Variants in PAQR3 observed in about 807,000 individuals in gnomAD.
The protein encoded by PAQR3 is progestin and adipoQ receptor family member 3.
Under a neutral mutation model 41.7 loss-of-function variants are expected in PAQR3, and 39 were observed. The ratio of observed to expected loss-of-function variants is 0.93; its 90% CI spans 0.72 to 1.22. The LOEUF is 1.22. PAQR3 is among the 50% of genes most tolerant of loss of function. PAQR3 has a pLI of 0.00. For missense variants in PAQR3, 366 were observed against 385.6 expected (o/e 0.95, Z 0.42); for synonymous variants, 140 against 140.6 (o/e 1.00, Z 0.03).
Position 78,917,730 on chromosome 4 carries a change from A to T in PAQR3, c.*2809T>A. The T allele has an allele frequency of 1.2e-6, 1 of 865,318 alleles. No individual in the cohort carries two copies. Among genetic ancestry groups the T allele is most frequent in the Non-Finnish European group, 1.4e-6 (1 of 720,778 alleles). 53.6% of individuals were successfully genotyped at this position (865,318 alleles called of 1,614,324 possible). A position where few individuals can be genotyped will look rare whatever the true frequency, so the allele number is the denominator to read the frequency against. On this transcript the variant is annotated 3_prime_UTR_variant, in exon 6 of 6. Coordinates refer to ENST00000512733, the MANE Select transcript of PAQR3 (RefSeq NM_001040202.2). ...GAATAGGCTTTGCCCCTTGACATTT[A>T]ATACAGGGCAAAGTATTATCTAGTA... is the stretch of plus-strand genomic sequence containing the variant.
chr4:78,930,335 A>G lies in PAQR3; in HGVS notation c.349-10T>C. 1 of 1,588,500 alleles carries G rather than the reference A, an allele frequency of 6.3e-7. No individual in the cohort carries two copies. ...AGCAAAGCATACAGACCTGTGAAAA[A>G]TAAAAACAAATTAACAAAGTGACTA... On this transcript the variant is annotated splice_polypyrimidine_tract_variant and intron_variant, in intron 2 of 5. Transcript: ENST00000512733.
chr4:78,903,761 G>A (rs1468273199), intron 11 of PAQR3, among the ~76,000 whole-genome samples: 1 of 151,840 alleles, frequency 6.6e-6, no homozygotes, highest in Non-Finnish European at 1.5e-5. Context: ...CCTGTTCGTG[G>A]CTTTTATTTT....
In PAQR3 at chr4:78,926,541, T is replaced by C. The variant is rs1325529409; in HGVS notation, c.682A>G (p.Ile228Val). ...TLHWVWLNGG[I>V]GAPIVQDFAP... is the part of the protein sequence containing the mutation. ...CCTACCTGTACAATAGGAGCACCAATTCCTCCATTGAGCCAAACCCAGTGA... is the reference window on the plus strand; with the variant it reads ...CCTACCTGTACAATAGGAGCACCAACTCCTCCATTGAGCCAAACCCAGTGA... Residue 228 changes from isoleucine (I) to valine (V), a missense_variant, in exon 4 of 6, where the codon ATT becomes GTT. Coordinates refer to ENST00000512733, the MANE Select transcript of PAQR3 (RefSeq NM_001040202.2). 4.3e-6 allele frequency: 7 copies of C among 1,612,228 alleles called. No homozygotes were observed. The highest frequency in any genetic ancestry group is 1.3e-5 in the African/African-American group (1 of 74,714).
intron 11 of PAQR3, among the ~76,000 whole-genome samples, chr4:78,893,051 A>G (rs1214609403): frequency 6.6e-6 from 1 of 152,256 alleles, no homozygotes; most frequent in African/African-American, 2.4e-5. Context: ...GCTGTTTGAT[A>G]TAATTTTTTA....
chr4:78,938,531 G>A (rs1301994964), intron 1 of PAQR3, among the ~76,000 whole-genome samples: 1 of 152,052 alleles, frequency 6.6e-6, no homozygotes, highest in Non-Finnish European at 1.5e-5. Context: ...CTACACCTTA[G>A]TAGCTTCATG....
chr4:78,898,950 T>C (rs1733853994), intron 11 of PAQR3: 1 of 152,194 alleles, frequency 6.6e-6, no homozygotes, highest in African/African-American at 2.4e-5. Flanking sequence ...CAATGCACTA[T>C]GCTGATCCTG....
chr4:78,927,473 C>A (rs1216984778), intron 3 of PAQR3, among the ~76,000 whole-genome samples: 1 of 152,196 alleles, frequency 6.6e-6, no homozygotes, highest in Non-Finnish European at 1.5e-5. Context: ...AGAGTGGGGG[C>A]TTGGACTCCT....
At chr4:78,887,203 A>T in exon 13 of PAQR3, 1 of 1,610,732 alleles carries the variant, frequency 6.2e-7, no homozygotes, top group African/African-American at 1.3e-5. Context: ...ATCCTCAGAT[A>T]AGAATGTAGA....
intron 3 of PAQR3, among the ~76,000 whole-genome samples, chr4:78,926,977 C>A (rs147788221): frequency 2.0e-5 from 3 of 152,254 alleles, no homozygotes; most frequent in African/African-American, 7.2e-5. Flanking sequence ...CTATTATCTG[C>A]CAGGCACAGT....
At chr4:78,931,531 A>C (rs1196194928) in intron 2 of PAQR3, among the ~76,000 whole-genome samples, 1 of 152,252 alleles carries the variant, frequency 6.6e-6, no homozygotes, top group Non-Finnish European at 1.5e-5. Context: ...AATGCCTTTC[A>C]GCTATTAAGT....
chr4:78,935,320 T>G, intron 1 of PAQR3, 37 bp from the exon 2 acceptor site: 3 of 1,585,410 alleles, frequency 1.9e-6, no homozygotes, highest in Non-Finnish European at 2.6e-6. Context: ...AGATTCACAT[T>G]GGCCAACTTA....
chr4:78,891,360 G>A (rs544033072), intron 11 of PAQR3, among the ~76,000 whole-genome samples: 5 of 152,130 alleles, frequency 3.3e-5, no homozygotes, highest in Admixed American at 6.5e-5. Flanking sequence ...GAATATTCAA[G>A]ATGTTGTACC....
downstream of PAQR3, chr4:78,910,711 C>T (rs774044883): frequency 1.4e-5 from 23 of 1,612,846 alleles, no homozygotes; most frequent in East Asian, 4.5e-5. Flanking sequence ...TAAAGATCAG[C>T]GGACTGGAAA....
chr4:78,888,260 T>C (rs576560969), intron 11 of PAQR3: 40 of 152,362 alleles, frequency 2.6e-4, no homozygotes, highest in African/African-American at 9.1e-4. Flanking sequence ...GCTTTCAAGT[T>C]TTCTTTTTCA....
downstream of PAQR3, chr4:78,911,360 A>G (rs1734588030): frequency 6.2e-7 from 1 of 1,613,866 alleles, no homozygotes; most frequent in African/African-American, 1.3e-5. Flanking sequence ...ACTCCATTTC[A>G]GCCCTTCCTC....
At position 78,919,339 on chromosome 4, in the gene PAQR3, G is replaced by A. The variant is rs1578005602; in HGVS notation, c.*1200C>T. Reference sequence around the variant, plus strand: ...AAGTTTTTATGAATGTCTACTTTAAGGGATTTAACTAATGCATATGAAAGA... The same window carrying A: ...AAGTTTTTATGAATGTCTACTTTAAAGGATTTAACTAATGCATATGAAAGA... On this transcript the variant is annotated 3_prime_UTR_variant, in exon 6 of 6. Coordinates refer to ENST00000512733, the MANE Select transcript of PAQR3 (RefSeq NM_001040202.2). The A allele has an allele frequency of 6.1e-6, 6 of 982,922 alleles. No homozygotes were observed. The highest frequency in any genetic ancestry group is 7.2e-6 in the Non-Finnish European group (6 of 827,988). The allele number at this position is 982,922 out of a possible 1,614,324, so 60.9% of individuals were successfully genotyped here. A position where few individuals can be genotyped will look rare whatever the true frequency, so the allele number is the denominator to read the frequency against.
chr4:78,895,382 T>C (rs556433211), intron 11 of PAQR3, among the ~76,000 whole-genome samples: 12 of 152,358 alleles, frequency 7.9e-5, no homozygotes, highest in Admixed American at 2.6e-4. Context: ...CATTTTGATA[T>C]GCTGAATTTG....
chr4:78,920,249 A>C lies in PAQR3; in HGVS notation c.*290T>G, dbSNP rs1735518161. The C allele has an allele frequency of 2.8e-6, 3 of 1,063,074 alleles. No homozygotes were observed. Among genetic ancestry groups the C allele is most frequent in the Admixed American group, 1.1e-4 (2 of 18,806 alleles). The allele number at this position is 1,063,074 out of a possible 1,614,324, so 65.9% of individuals were successfully genotyped here. ...AATTAAGCTGGTGCTAAGTAAAATG[A>C]ATCCTATTTCAACACTAGTTTCCCA... is the stretch of plus-strand genomic sequence containing the variant. On this transcript the variant is annotated 3_prime_UTR_variant, in exon 6 of 6. Coordinates refer to ENST00000512733, the MANE Select transcript of PAQR3 (RefSeq NM_001040202.2).
downstream of PAQR3, among the ~76,000 whole-genome samples, chr4:78,908,979 C>G (rs13140881): frequency 6.7e-6 from 1 of 148,294 alleles, no homozygotes; most frequent in Non-Finnish European, 1.5e-5. Context: ...GTCATGTCAT[C>G]TAGGCCACCA....
Sources: allele counts gnomAD v4.1 joint callset (sites outside exome capture counted in the v4.1 genomes callset), GRCh38; gene constraint gnomAD v4.1.1; transcripts MANE v1.5; gene names NCBI Gene and HGNC (gene_info 2026-07-23, HGNC 2026-07-21).